FOXP1: variants seen among roughly 807,000 people sequenced by gnomAD.
The protein encoded by FOXP1 is forkhead box P1, also known as forkhead box protein P1.
FOXP1 carries 15 observed loss-of-function variants against 98.2 expected under a neutral mutation model. The observed-to-expected ratio is 0.15, with a 90% confidence interval of 0.10 to 0.24. FOXP1 has a LOEUF of 0.24. Among genes scored for constraint, FOXP1 ranks in the 10% least tolerant of loss-of-function variants. The pLI, the probability that FOXP1 is intolerant of heterozygous loss-of-function variation, is 1.00. For synonymous variants in FOXP1, 371 were observed against 314.5 expected (o/e 1.18, Z -1.90); for missense variants, 633 against 848.5 (o/e 0.75, Z 3.15).
chr3:71,114,805 C>G (rs2058231699), intron 6 of FOXP1, among the ~76,000 whole-genome samples: 1 of 152,190 alleles, frequency 6.6e-6, no homozygotes, highest in African/African-American at 2.4e-5. Context: ...GCCTGAGACT[C>G]TAGCCTGCTG....
chr3:71,370,179 C>T (rs2079196330), intron 3 of FOXP1, among the ~76,000 whole-genome samples: 1 of 152,128 alleles, frequency 6.6e-6, no homozygotes, highest in Non-Finnish European at 1.5e-5. Flanking sequence ...TTCCATGACA[C>T]TAAAAACATA....
intron 13 of FOXP1, among the ~76,000 whole-genome samples, chr3:70,992,890 T>C (rs1575953323): frequency 6.6e-6 from 1 of 152,166 alleles, no homozygotes; most frequent in South Asian, 2.1e-4. Context: ...ACTGGCAATA[T>C]GGAACTACCG....
Position 71,564,410 on chromosome 3 carries a change from C to T in FOXP1, c.-298+17139G>A, listed in dbSNP as rs76002792. On this transcript the variant is annotated intron_variant, in intron 2 of 20. Transcript: ENST00000649528. ...ACATGGATTATCTCATTTAATCCAC[C>T]GAACAAATTGATGAGGTAAGTTCTT... Among the ~76,000 whole-genome samples, 369 of 152,276 alleles carry T rather than the reference C, an allele frequency of 2.4e-3. 1 individual carries two copies. Among genetic ancestry groups the T allele is most frequent in the Non-Finnish European group, 4.1e-3 (277 of 68,020 alleles).
At chr3:71,551,716 CA>C (rs1405289965) in intron 2 of FOXP1, among the ~76,000 whole-genome samples, 1 of 152,184 alleles carries the variant, frequency 6.6e-6, no homozygotes, top group Non-Finnish European at 1.5e-5. Flanking sequence ...ATCATTGCCA[CA>C]TAGGTGGGAG....
chr3:71,499,632 C>T (rs2041187932), intron 2 of FOXP1, among the ~76,000 whole-genome samples: 1 of 152,222 alleles, frequency 6.6e-6, no homozygotes, highest in African/African-American at 2.4e-5. Flanking sequence ...AGTGAGCCTG[C>T]TCTGTCTAAT....
chr3:71,324,548 T>C lies in FOXP1; in HGVS notation c.-72-24668A>G, dbSNP rs200631578. Among the ~76,000 whole-genome samples, 4 of 150,958 alleles carry C rather than the reference T, an allele frequency of 2.6e-5. No homozygotes were observed. In the East Asian group the frequency reaches 5.8e-4, roughly 22 times the overall value. ...ACCAAATGCTGCATGTTCTCACTCA[T>C]AGGTGGGAAATGAACAATGAGAACA... On this transcript the variant is annotated intron_variant, in intron 4 of 20. Transcript: ENST00000649528.
intron 4 of FOXP1, among the ~76,000 whole-genome samples, chr3:71,339,658 A>T (rs1206662409): frequency 6.6e-6 from 1 of 152,192 alleles, no homozygotes; most frequent in Admixed American, 6.5e-5. Context: ...AATTAGCAAG[A>T]TTTTCTGTTT....
chr3:71,489,394 C>A (rs1456484529), intron 3 of FOXP1, among the ~76,000 whole-genome samples: 1 of 152,232 alleles, frequency 6.6e-6, no homozygotes, highest in African/African-American at 2.4e-5. Flanking sequence ...CAGCAAGGGA[C>A]AACCTAGTGG....
intron 2 of FOXP1, among the ~76,000 whole-genome samples, chr3:71,529,113 C>T (rs1025256793): frequency 5.3e-5 from 8 of 152,158 alleles, no homozygotes; most frequent in African/African-American, 1.4e-4. Flanking sequence ...TCCTGACATC[C>T]GACTCTGTAA....
intron 5 of FOXP1, among the ~76,000 whole-genome samples, chr3:71,199,605 T>G (rs2063527940): frequency 6.6e-6 from 1 of 151,154 alleles, no homozygotes; most frequent in Admixed American, 6.6e-5. Context: ...CCAGTCATGG[T>G]GACAGGTGCC....
At chr3:71,535,196 T>A (rs748280422) in intron 2 of FOXP1, among the ~76,000 whole-genome samples, 10 of 152,206 alleles carry the variant, frequency 6.6e-5, no homozygotes, top group Non-Finnish European at 1.5e-4. Context: ...TGGCCCTGCT[T>A]ACTGGTGACT....
chr3:71,542,803 T>C (rs1287173407), intron 2 of FOXP1, among the ~76,000 whole-genome samples: 1 of 152,210 alleles, frequency 6.6e-6, no homozygotes, highest in Non-Finnish European at 1.5e-5. Flanking sequence ...AAACCCGGCC[T>C]GCCTGTCCTA....
At chr3:71,583,961 G>A (rs2048396066), upstream of FOXP1, 5 of 980,596 alleles carry the variant, frequency 5.1e-6, no homozygotes, top group Non-Finnish European at 6.0e-6. Flanking sequence ...CCTCTTTGCC[G>A]TTCGCCGGGG....
At chr3:71,236,351 T>C (rs112152240) in intron 5 of FOXP1, among the ~76,000 whole-genome samples, 107 of 152,340 alleles carry the variant, frequency 7.0e-4, no homozygotes, top group Non-Finnish European at 3.4e-4. Context: ...TTCCTGAGCC[T>C]CTGCTATGGG....
At position 71,001,182 on chromosome 3, in the gene FOXP1, G is replaced by A. The variant is rs138992032; in HGVS notation, c.975-123C>T. 8.2e-4 allele frequency: 591 copies of A among 723,582 alleles called. 4 individuals carry two copies. The African/African-American group carries it at 9.1e-3, about 11-fold the overall frequency. The allele number at this position is 723,582 out of a possible 1,614,324, so 44.8% of individuals were successfully genotyped here. A position where few individuals can be genotyped will look rare whatever the true frequency, so the allele number is the denominator to read the frequency against. Reference sequence around the variant, plus strand: ...AGCTCCCAGGAGATAGTAGTCCAGGGGGTGGCCTGTCCTTTCCATCCCCAC... The same window carrying A: ...AGCTCCCAGGAGATAGTAGTCCAGGAGGTGGCCTGTCCTTTCCATCCCCAC... On this transcript the variant is annotated intron_variant, in intron 12 of 20. Coordinates refer to ENST00000649528, the MANE Select transcript of FOXP1 (RefSeq NM_001349338.3).
chr3:71,038,230 C>T (rs2047867929), intron 11 of FOXP1, among the ~76,000 whole-genome samples: 1 of 152,214 alleles, frequency 6.6e-6, no homozygotes, highest in Non-Finnish European at 1.5e-5. Context: ...ACTCTCACAA[C>T]ACTACCTTTT....
At chr3:71,237,567 C>T (rs17008390) in intron 5 of FOXP1, among the ~76,000 whole-genome samples, 1 of 152,174 alleles carries the variant, frequency 6.6e-6, no homozygotes. Flanking sequence ...ACTGTCATCA[C>T]TTCCCATGCT....
intron 2 of FOXP1, among the ~76,000 whole-genome samples, chr3:71,569,280 G>A (rs1027142845): frequency 2.6e-5 from 4 of 152,290 alleles, no homozygotes; most frequent in Non-Finnish European, 5.9e-5. Context: ...GAGCAGTTCC[G>A]TTTACCAAAT....
Position 70,956,892 on chromosome 3 carries a change from TAAA to T in FOXP1, c.*2352_*2354del. ...AGTGGATGGGAGTGTTACTTTTCTTTAAATGAAAAATGCTGACCAAAGCCTAAT... is the reference window on the plus strand; with the variant it reads ...AGTGGATGGGAGTGTTACTTTTCTTTTGAAAAATGCTGACCAAAGCCTAAT... On this transcript the variant is annotated 3_prime_UTR_variant, in exon 21 of 21. Transcript: ENST00000649528. The T allele has an allele frequency of 4.6e-6, 1 of 217,080 alleles. No homozygotes were observed. Among genetic ancestry groups the T allele is most frequent in the Non-Finnish European group, 9.2e-6 (1 of 108,332 alleles). 13.4% of individuals were successfully genotyped at this position (217,080 alleles called of 1,614,324 possible).
Sources: allele counts gnomAD v4.1 joint callset (sites outside exome capture counted in the v4.1 genomes callset), GRCh38; gene constraint gnomAD v4.1.1; transcripts MANE v1.5; gene names NCBI Gene and HGNC (gene_info 2026-07-23, HGNC 2026-07-21).